Variants in SSH1 observed in about 807,000 individuals in gnomAD.
The protein encoded by SSH1 is slingshot protein phosphatase 1, also known as protein phosphatase Slingshot homolog 1.
Under a neutral mutation model 79.7 loss-of-function variants are expected in SSH1, and 43 were observed. The ratio of observed to expected loss-of-function variants is 0.54; its 90% CI spans 0.42 to 0.70. The LOEUF is 0.70. SSH1 is among the 30% of genes least tolerant of loss of function. The pLI, the probability that SSH1 is intolerant of heterozygous loss-of-function variation, is 0.00. For missense variants in SSH1, 1,206 were observed against 1,358.8 expected (o/e 0.89, Z 1.77); for synonymous variants, 599 against 538.3 (o/e 1.11, Z -1.56).
At chr12:108,850,791 G>T (rs1346986669) in intron 2 of SSH1, among the ~76,000 whole-genome samples, 17 of 140,298 alleles carry the variant, frequency 1.2e-4, no homozygotes, top group African/African-American at 4.6e-4. Context: ...GAGGGATCTG[G>T]GGAAGGGGAT....
Position 108,857,567 on chromosome 12 carries a change from C to G in SSH1, c.-71G>C, listed in dbSNP as rs1351925587. The G allele has an allele frequency of 1.1e-6, 1 of 944,278 alleles. No individual in the cohort carries two copies. Among genetic ancestry groups the G allele is most frequent in the Non-Finnish European group, 1.3e-6 (1 of 789,566 alleles). The allele number at this position is 944,278 out of a possible 1,614,324, so 58.5% of individuals were successfully genotyped here. ...CCGCCACCGCCACCGCCGCCCGGGCCGGGCCCGGGGCCTCCTGGAGCCGCG... is the reference window on the plus strand; with the variant it reads ...CCGCCACCGCCACCGCCGCCCGGGCGGGGCCCGGGGCCTCCTGGAGCCGCG... On this transcript the variant is annotated 5_prime_UTR_variant, in exon 1 of 15. Transcript: ENST00000326495. This position sits in a 1 kb window ranked among gnomAD's most constrained non-coding sequence, Gnocchi z 4.7.
intron 6 of SSH1, among the ~76,000 whole-genome samples, chr12:108,810,949 C>T (rs1182783415): frequency 2.0e-5 from 3 of 152,256 alleles, no homozygotes; most frequent in East Asian, 1.9e-4. Flanking sequence ...GGAGGGCATG[C>T]GGTGAGAGTT....
At chr12:108,840,059 G>A (rs1326162640) in intron 2 of SSH1, among the ~76,000 whole-genome samples, 1 of 152,124 alleles carries the variant, frequency 6.6e-6, no homozygotes, top group Non-Finnish European at 1.5e-5. Context: ...AGGCTCTCCC[G>A]GCATGTCCTC....
rs913205900 is a variant in SSH1, at chr12:108,787,110, A to G, written c.*878T>C. On this transcript the variant is annotated 3_prime_UTR_variant, in exon 15 of 15. Transcript: ENST00000326495. ...CTCTCAGCAGGACGATGTGTCTCAG[A>G]ACCACCACCTGAGCCAGACACTTGA... 4.6e-5 allele frequency: 7 copies of G among 152,228 alleles called. No homozygotes were observed. The highest frequency in any genetic ancestry group is 1.0e-4 in the Non-Finnish European group (7 of 68,050). The allele number at this position is 152,228 out of a possible 1,614,324, so 9.4% of individuals were successfully genotyped here. A position where few individuals can be genotyped will look rare whatever the true frequency, so the allele number is the denominator to read the frequency against.
chr12:108,832,974 T>C (rs1246996941), intron 2 of SSH1, among the ~76,000 whole-genome samples: 1 of 152,136 alleles, frequency 6.6e-6, no homozygotes, highest in African/African-American at 2.4e-5. Context: ...ATTACAAATA[T>C]CTTTGCTGCT....
At position 108,821,459 on chromosome 12, in the gene SSH1, C is replaced by T. The variant is rs576836531; in HGVS notation, c.214+1799G>A. On this transcript the variant is annotated intron_variant, in intron 3 of 14. Transcript: ENST00000326495. ...AGGGTCTGTTTATAGCTGTATTGTA[C>T]TAGAAGTCATCGTAATAACAATGAT... is the stretch of plus-strand genomic sequence containing the variant. Among the ~76,000 whole-genome samples the T allele has an allele frequency of 1.3e-3, 203 of 151,534 alleles. 1 individual carries two copies. Among genetic ancestry groups the T allele is most frequent in the African/African-American group, 4.8e-3 (199 of 41,312 alleles).
chr12:108,857,482 G>C lies in SSH1; in HGVS notation c.15C>G (p.Thr5=), dbSNP rs1471927980. Residue 5 remains threonine (T), a synonymous_variant, in exon 1 of 15, where the codon ACC becomes ACG. Coordinates refer to ENST00000326495, the MANE Select transcript of SSH1 (RefSeq NM_018984.4). The surrounding 1 kb of genome is among the most constrained non-coding windows in gnomAD (Gnocchi z 4.7). MALV[T]LQRSPTPSAA... is the part of the protein sequence containing the mutation. The stretch of plus-strand genomic sequence containing the variant: ...CGCTGGGCGTGGGCGAGCGCTGCAG[G>C]GTCACCAGGGCCATGGCTGCGGCGC... 1 of 1,139,446 alleles carries C rather than the reference G, an allele frequency of 8.8e-7. No individual in the cohort carries two copies. The highest frequency in any genetic ancestry group is 3.2e-5 in the Admixed American group (1 of 31,098). The allele number at this position is 1,139,446 out of a possible 1,614,324, so 70.6% of individuals were successfully genotyped here.
chr12:108,841,647 A>G (rs1275208041), intron 2 of SSH1, among the ~76,000 whole-genome samples: 1 of 152,062 alleles, frequency 6.6e-6, no homozygotes, highest in Non-Finnish European at 1.5e-5. Flanking sequence ...GTCTCTACTA[A>G]AAATACGAAA....
chr12:108,817,186 T>C (rs755310886), intron 4 of SSH1, 27 bp from the exon 5 acceptor site: 13 of 1,612,260 alleles, frequency 8.1e-6, no homozygotes, highest in African/African-American at 1.3e-5. Flanking sequence ...ATGCTCTCAC[T>C]AACCTGCCTT....
Position 108,817,124 on chromosome 12 carries a change from G to T in SSH1, c.315C>A (p.Val105=). 6.2e-7 allele frequency: 1 copy of T among 1,614,142 alleles called. No homozygotes were observed. The highest frequency in any genetic ancestry group is 1.1e-5 in the South Asian group (1 of 91,088). ...TGCTGTACACCACCACCATGTACCG[G>T]ACCCGGTCCGCCCAGGCGCTCTCCA... ...VRLESAWADR[V]RYMVVVYSSG... The change falls in exon 5 of 15, where the codon GTC becomes GTA. Residue 105 remains valine, a synonymous_variant. Transcript: ENST00000326495.
chr12:108,835,589 A>G (rs1402149636), intron 2 of SSH1, among the ~76,000 whole-genome samples: 1 of 152,088 alleles, frequency 6.6e-6, no homozygotes, highest in East Asian at 1.9e-4. Context: ...AGCTGAACTG[A>G]TACCTCTGGA....
intron 2 of SSH1, among the ~76,000 whole-genome samples, chr12:108,835,761 G>T (rs982469096): frequency 6.6e-6 from 1 of 151,546 alleles, no homozygotes. Context: ...GTGCAGGGAG[G>T]GGGCTGCAAG....
At position 108,789,252 on chromosome 12, in the gene SSH1, G is replaced by C; in HGVS notation, c.1894-8C>G. The C allele has an allele frequency of 6.3e-7, 1 of 1,587,378 alleles. No homozygotes were observed. The highest frequency in any genetic ancestry group is 8.6e-7 in the Non-Finnish European group (1 of 1,165,858). On this transcript the variant is annotated splice_region_variant and splice_polypyrimidine_tract_variant and intron_variant, in intron 14 of 14. Coordinates refer to ENST00000326495, the MANE Select transcript of SSH1 (RefSeq NM_018984.4). ...CCCAAATATAGCATCATCCTGCAAG[G>C]AAGGGGACAAGAGCATGGTGAGACG...
intron 2 of SSH1, chr12:108,827,506 G>T (rs1357403224): frequency 6.2e-6 from 8 of 1,287,852 alleles, no homozygotes; most frequent in Non-Finnish European, 7.9e-6. Flanking sequence ...AAAAGCAAAT[G>T]GCTCTTGTGG....
intron 13 of SSH1, among the ~76,000 whole-genome samples, chr12:108,794,122 C>T (rs539614344): frequency 2.6e-5 from 4 of 152,340 alleles, no homozygotes; most frequent in Admixed American, 1.3e-4. Context: ...CTAGGGCACT[C>T]CTGCATTCCC....
At chr12:108,826,700 T>A (rs1241504099) in intron 2 of SSH1, among the ~76,000 whole-genome samples, 4 of 152,140 alleles carry the variant, frequency 2.6e-5, no homozygotes, top group African/African-American at 9.7e-5. Context: ...GAATACTGTA[T>A]CTGACGACTG....
rs77726082 is a variant in SSH1 at position 108,803,382 on chromosome 12, A to G, written c.955-1014T>C. On this transcript the variant is annotated intron_variant, in intron 10 of 14. Transcript: ENST00000326495. Reference sequence around the variant, plus strand: ...AACGGGGGAAAAAAAAAAAGAAAAGAAAAAATGATCACTTTCCTCTTAGGA... The same window carrying G: ...AACGGGGGAAAAAAAAAAAGAAAAGGAAAAATGATCACTTTCCTCTTAGGA... Among the ~76,000 whole-genome samples the G allele has an allele frequency of 3.9e-5, 6 of 151,998 alleles. No individual in the cohort carries two copies. The East Asian group carries it at 9.6e-4, about 24-fold the overall frequency.
intron 2 of SSH1, among the ~76,000 whole-genome samples, chr12:108,844,900 G>C (rs1002716669): frequency 1.3e-5 from 2 of 152,140 alleles, no homozygotes; most frequent in African/African-American, 2.4e-5. Flanking sequence ...CCTGAAGTCA[G>C]GAGTTTGAGA....
intron 2 of SSH1, chr12:108,836,951 T>C (rs1261574651): frequency 1.9e-6 from 1 of 528,262 alleles, no homozygotes; most frequent in East Asian, 5.5e-5. Flanking sequence ...CAGGTCATGG[T>C]CGACCGCAGT....
Sources: allele counts gnomAD v4.1 joint callset (sites outside exome capture counted in the v4.1 genomes callset), GRCh38; gene constraint gnomAD v4.1.1; non-coding constraint Gnocchi (gnomAD v3.1); transcripts MANE v1.5; gene names NCBI Gene and HGNC (gene_info 2026-07-23, HGNC 2026-07-21).